Variants in CSRNP3 observed in about 807,000 individuals in gnomAD.
CSRNP3 encodes cysteine and serine rich nuclear protein 3.
In CSRNP3, 12 loss-of-function variants were observed where a neutral mutation model predicts 48.0. The ratio of observed to expected loss-of-function variants is 0.25; its 90% CI spans 0.16 to 0.41. The LOEUF (loss-of-function observed/expected upper bound fraction) is 0.41. Ranked by LOEUF, CSRNP3 falls within the 10% of genes least tolerant of loss-of-function variation. The probability of loss-of-function intolerance (pLI) is 1.00; values close to 1 mark genes in which losing one functional copy is unlikely to be tolerated. For missense variants in CSRNP3, 580 were observed against 724.4 expected (o/e 0.80, Z 2.29); for synonymous variants, 263 against 269.7 (o/e 0.98, Z 0.24).
chr2:165,530,978 T>A (rs1464678121), intron 3 of CSRNP3, among the ~76,000 whole-genome samples: 2 of 152,092 alleles, frequency 1.3e-5, no homozygotes, highest in African/African-American at 2.4e-5. Context: ...AAATTCTTTT[T>A]TTTTTCAGTG....
At chr2:165,647,377 A>G (rs1221352249) in intron 4 of CSRNP3, among the ~76,000 whole-genome samples, 1 of 152,214 alleles carries the variant, frequency 6.6e-6, no homozygotes, top group Non-Finnish European at 1.5e-5. Flanking sequence ...CATGCTTACA[A>G]TAAAAAAAAC....
intron 5 of CSRNP3, among the ~76,000 whole-genome samples, chr2:165,659,026 T>A (rs1687054951): frequency 6.6e-6 from 1 of 152,184 alleles, no homozygotes; most frequent in Non-Finnish European, 1.5e-5. Context: ...GGAATGAGGC[T>A]TTGTAAACCA....
Position 165,577,430 on chromosome 2 carries a change from A to C in CSRNP3, c.-23-17613A>C, listed in dbSNP as rs374728679. On this transcript the variant is annotated intron_variant, in intron 3 of 6. Coordinates refer to ENST00000651982, the MANE Select transcript of CSRNP3 (RefSeq NM_001172173.2). ...GTAGAGTTGGAAAATAATCTGTATG[A>C]TATAAACTGATTTTCCAAGTAGCTA... Among the ~76,000 whole-genome samples, 12 of 151,940 alleles carry C rather than the reference A, an allele frequency of 7.9e-5. No individual in the cohort carries two copies. The East Asian group carries it at 1.9e-3, about 24-fold the overall frequency.
intron 3 of CSRNP3, among the ~76,000 whole-genome samples, chr2:165,537,926 A>T (rs886961013): frequency 7.2e-5 from 11 of 152,024 alleles, no homozygotes; most frequent in African/African-American, 2.7e-4. Flanking sequence ...TGAGAATCTT[A>T]AATGAAGAAG....
chr2:165,557,932 C>T (rs114008319), intron 3 of CSRNP3, among the ~76,000 whole-genome samples: 109 of 152,274 alleles, frequency 7.2e-4, no homozygotes, highest in Non-Finnish European at 1.3e-3. Flanking sequence ...TTTCACTTTG[C>T]TAAATGGAGT....
chr2:165,502,529 A>G (rs1033211971), intron 2 of CSRNP3, among the ~76,000 whole-genome samples: 1 of 152,070 alleles, frequency 6.6e-6, no homozygotes, highest in Admixed American at 6.6e-5. Context: ...ATCTTAGAGC[A>G]AATCTCTAAA....
chr2:165,471,010 T>G lies in CSRNP3; in HGVS notation c.-283+1270T>G, dbSNP rs61439904. Reference sequence around the variant, plus strand: ...TTGTTTTTCAAATTTTTTTATTTATTGTACTTTTTTTGTTTGAGAGATTTT... The same window carrying G: ...TTGTTTTTCAAATTTTTTTATTTATGGTACTTTTTTTGTTTGAGAGATTTT... On this transcript the variant is annotated intron_variant, in intron 1 of 6. Coordinates refer to ENST00000651982, the MANE Select transcript of CSRNP3 (RefSeq NM_001172173.2). 1.2e-4 allele frequency among the ~76,000 whole-genome samples: 18 copies of G among 151,642 alleles called. No homozygotes were observed. The East Asian group carries it at 2.3e-3, about 20-fold the overall frequency.
At chr2:165,625,259 G>A (rs1218096922) in intron 4 of CSRNP3, among the ~76,000 whole-genome samples, 1 of 151,946 alleles carries the variant, frequency 6.6e-6, no homozygotes, top group Non-Finnish European at 1.5e-5. Context: ...GGCACTACCC[G>A]GTTCTCAAAG....
At chr2:165,555,446 A>G (rs994264989) in intron 3 of CSRNP3, among the ~76,000 whole-genome samples, 10 of 152,236 alleles carry the variant, frequency 6.6e-5, no homozygotes, top group African/African-American at 2.2e-4. Context: ...AAGCTGTGCC[A>G]CTAAGAATGG....
rs141771726 is a variant in CSRNP3 at position 165,663,348 on chromosome 2, T to C, written c.408+5328T>C. Among the ~76,000 whole-genome samples the C allele has an allele frequency of 4.0e-3, 614 of 152,342 alleles. 4 individuals carry two copies. The highest frequency in any genetic ancestry group is 0.02 in the South Asian group (98 of 4,830). On this transcript the variant is annotated intron_variant, in intron 5 of 6. Coordinates refer to ENST00000651982, the MANE Select transcript of CSRNP3 (RefSeq NM_001172173.2). ...CAGAATTTCTGTTAGATTGTAGAGA[T>C]TATGCCACAGCATACTTAGTGTCAG...
intron 4 of CSRNP3, among the ~76,000 whole-genome samples, chr2:165,608,953 A>G (rs1239349481): frequency 6.8e-6 from 1 of 147,928 alleles, no homozygotes; most frequent in Non-Finnish European, 1.5e-5. Flanking sequence ...AAAAAAAAAA[A>G]AAAATTAGCT....
chr2:165,499,963 T>A (rs1574806378), intron 2 of CSRNP3, among the ~76,000 whole-genome samples: 1 of 151,608 alleles, frequency 6.6e-6, no homozygotes, highest in Admixed American at 6.6e-5. Flanking sequence ...AATAAAATTT[T>A]ATGAAACTTG....
intron 2 of CSRNP3, among the ~76,000 whole-genome samples, chr2:165,514,060 A>T (rs1445187645): frequency 6.6e-6 from 1 of 152,206 alleles, no homozygotes; most frequent in Non-Finnish European, 1.5e-5. Context: ...CAGACATCTG[A>T]CCCTGGGCTT....
In CSRNP3 at chr2:165,625,238, G is replaced by A. The variant is rs115550441; in HGVS notation, c.148+30025G>A. Among the ~76,000 whole-genome samples, 1,012 of 152,150 alleles carry A rather than the reference G, an allele frequency of 6.7e-3. 16 individuals carry two copies. Among genetic ancestry groups the A allele is most frequent in the African/African-American group, 0.023 (969 of 41,504 alleles). Reference sequence around the variant, plus strand: ...TACTTCTAGGTATTGGATATGGCAGGGAGTGAGACAGGCACTACCCGGTTC... The same window carrying A: ...TACTTCTAGGTATTGGATATGGCAGAGAGTGAGACAGGCACTACCCGGTTC... On this transcript the variant is annotated intron_variant, in intron 4 of 6. Coordinates refer to ENST00000651982, the MANE Select transcript of CSRNP3 (RefSeq NM_001172173.2).
At chr2:165,476,797 A>G (rs1395908344) in intron 1 of CSRNP3, among the ~76,000 whole-genome samples, 1 of 152,224 alleles carries the variant, frequency 6.6e-6, no homozygotes, top group African/African-American at 2.4e-5. Flanking sequence ...CCTGGGTAGT[A>G]TTGTGAAGAT....
intron 4 of CSRNP3, among the ~76,000 whole-genome samples, chr2:165,642,767 G>T (rs1686745189): frequency 6.6e-6 from 1 of 152,064 alleles, no homozygotes; most frequent in Non-Finnish European, 1.5e-5. Context: ...TTGCCATGCT[G>T]GCCAGGCTGG....
At chr2:165,470,520 A>C (rs1178634535) in intron 1 of CSRNP3, among the ~76,000 whole-genome samples, 1 of 152,100 alleles carries the variant, frequency 6.6e-6, no homozygotes, top group East Asian at 1.9e-4. Flanking sequence ...AGTCAAACAC[A>C]TCTAGATAAG....
intron 4 of CSRNP3, among the ~76,000 whole-genome samples, chr2:165,604,275 A>G (rs968815547): frequency 1.3e-5 from 2 of 152,220 alleles, no homozygotes; most frequent in African/African-American, 4.8e-5. Context: ...TGGGATTTAT[A>G]GAACTTAACT....
At position 165,678,341 on chromosome 2, in the gene CSRNP3, G is replaced by A. The variant is rs1315519406; in HGVS notation, c.706-360G>A. ...GGTGCAGCAGAAAGAAAAGGAACTT[G>A]GGGGAAAGACAGGAGCATTCAAAAC... On this transcript the variant is annotated intron_variant, in intron 6 of 6. Transcript: ENST00000651982. Among the ~76,000 whole-genome samples, 3 of 152,032 alleles carry A rather than the reference G, an allele frequency of 2.0e-5. No homozygotes were observed. The South Asian group carries it at 6.2e-4, about 32-fold the overall frequency.
Sources: gnomAD v4.1 joint callset for allele counts (sites outside exome capture counted in the v4.1 genomes callset) on GRCh38, gnomAD v4.1.1 for gene constraint, MANE v1.5 for transcripts, NCBI Gene and HGNC (gene_info 2026-07-23, HGNC 2026-07-21) for gene names.